PRR33: variants seen among roughly 807,000 people sequenced by gnomAD.
PRR33 encodes the protein proline rich 33.
In PRR33, 1 loss-of-function variant was observed where a neutral mutation model predicts 0.5. The observed-to-expected ratio is 2.18, with a 90% CI of 0.77 to 10.34. PRR33 has a LOEUF of 10.34. PRR33 is among the 30% of genes most tolerant of loss of function. PRR33 has a pLI of 0.13. For missense variants in PRR33, 552 were observed against 251.8 expected, an observed-to-expected ratio of 2.19 and a Z score of -8.07; for synonymous variants, 226 against 110.0, an observed-to-expected ratio of 2.06 and a Z score of -6.60.
the PRR33 span, among the ~76,000 whole-genome samples, chr11:1,899,998 T>A: frequency 6.6e-6 from 1 of 151,932 alleles, no homozygotes; most frequent in Non-Finnish European, 1.5e-5. Context: ...TAAACCATTT[T>A]AACAACTTAC....
upstream of PRR33, among the ~76,000 whole-genome samples, chr11:1,892,801 T>G (rs1849054780): frequency 6.6e-6 from 1 of 150,994 alleles, no homozygotes; most frequent in African/African-American, 2.4e-5. Context: ...GATGGATGGG[T>G]AGGTGGGTGG....
chr11:1,890,339 G>A (rs771070839), exon 1 of PRR33: 22 of 714,952 alleles, frequency 3.1e-5, no homozygotes, highest in African/African-American at 1.2e-4. Context: ...CCTCAGCAGC[G>A]TGCGGGGCTG....
the PRR33 span, among the ~76,000 whole-genome samples, chr11:1,897,302 G>A: frequency 1.3e-5 from 2 of 152,170 alleles, no homozygotes; most frequent in Non-Finnish European, 2.9e-5. This position sits in a 1 kb window ranked among gnomAD's most constrained non-coding sequence, Gnocchi z 4.0. Flanking sequence ...TGTCCCTGTC[G>A]CCATTGTAAA....
chr11:1,914,409 C>G, the PRR33 span, among the ~76,000 whole-genome samples: 1 of 150,210 alleles, frequency 6.7e-6, no homozygotes, highest in Non-Finnish European at 1.5e-5. Context: ...GGTCACACAC[C>G]TGGGATGATG....
exon 1 of PRR33, chr11:1,890,932 G>T: frequency 4.1e-6 from 1 of 241,232 alleles, no homozygotes; most frequent in Non-Finnish European, 8.1e-6. Flanking sequence ...AACACCGTGT[G>T]GGCTGGGGTG....
Position 1,890,511 on chromosome 11 carries a change from G to A in PRR33, c.74C>T (p.Pro25Leu), listed in dbSNP as rs1198438439. The A allele has an allele frequency of 9.8e-6, 7 of 716,610 alleles. 1 individual carries two copies. Among genetic ancestry groups the A allele is most frequent in the South Asian group, 4.4e-5 (3 of 67,600 alleles). 44.4% of individuals were successfully genotyped at this position (716,610 alleles called of 1,614,324 possible). Residue 25 changes from proline (P) to leucine (L), a missense_variant, in exon 1 of 1, where the codon CCG becomes CTG. Coordinates refer to ENST00000640310, the Ensembl canonical transcript of PRR33. ...CTTCCCTGGCTTGGGCAGCAGGGGC[G>A]GTGGGGGTCCAGGGGTTCCCTGGAG...
rs1478322862 is a variant in PRR33 at position 1,890,232 on chromosome 11, G to C, written c.353C>G (p.Pro118Arg). 4.2e-6 allele frequency: 3 copies of C among 716,606 alleles called. No individual in the cohort carries two copies. In the East Asian group the frequency reaches 8.1e-5, roughly 19 times the overall value. 44.4% of individuals were successfully genotyped at this position (716,606 alleles called of 1,614,324 possible). A position where few individuals can be genotyped will look rare whatever the true frequency, so the allele number is the denominator to read the frequency against. ...GGGTGATGCCACGTGGTGGATGATGGGGGTGTGCGGGGAGCGGGGTAGGGC... is the reference window on the plus strand; with the variant it reads ...GGGTGATGCCACGTGGTGGATGATGCGGGTGTGCGGGGAGCGGGGTAGGGC... Residue 118 changes from proline to arginine, a missense_variant, in exon 1 of 1, where the codon CCC becomes CGC. By Grantham distance (103) the Pro-to-Arg change is moderately radical. Coordinates refer to ENST00000640310, the Ensembl canonical transcript of PRR33.
the PRR33 span, among the ~76,000 whole-genome samples, chr11:1,907,629 G>T: frequency 1.3e-5 from 2 of 152,140 alleles, no homozygotes; most frequent in African/African-American, 2.4e-5. Flanking sequence ...GGCCAGGCAC[G>T]TCTCGAACTC....
At chr11:1,914,306 G>A in the PRR33 span, among the ~76,000 whole-genome samples, 3 of 148,038 alleles carry the variant, frequency 2.0e-5, no homozygotes, top group Non-Finnish European at 4.5e-5. Context: ...GTGGGGTCAT[G>A]CACCTGGGAT....
At chr11:1,894,224 A>AGAGTGTGTGT (rs141842016), upstream of PRR33, among the ~76,000 whole-genome samples, 9 of 127,630 alleles carry the variant, frequency 7.1e-5, no homozygotes, top group African/African-American at 2.9e-4. Flanking sequence ...GGAGTGTGGG[A>AGAGTGTGTGT]GTGTGTGTGT....
At chr11:1,902,355 G>A in the PRR33 span, among the ~76,000 whole-genome samples, 4 of 152,244 alleles carry the variant, frequency 2.6e-5, no homozygotes, top group Non-Finnish European at 5.9e-5. Context: ...AAGGAATAAG[G>A]CAAAGAAAGG....
At chr11:1,910,249 ATTGTGG>A in the PRR33 span, among the ~76,000 whole-genome samples, 1 of 151,714 alleles carries the variant, frequency 6.6e-6, no homozygotes, top group Non-Finnish European at 1.5e-5. Flanking sequence ...ACTGGGCGCC[ATTGTGG>A]TGTTTTTTTT....
At chr11:1,905,494 A>T in the PRR33 span, among the ~76,000 whole-genome samples, 1 of 137,058 alleles carries the variant, frequency 7.3e-6, no homozygotes, top group African/African-American at 2.8e-5. Flanking sequence ...GCTGGAGTAC[A>T]GTGGCGTGAT....
chr11:1,890,102 G>A (rs1309593097), exon 1 of PRR33: 2 of 716,614 alleles, frequency 2.8e-6, no homozygotes, highest in East Asian at 5.4e-5. Context: ...TGGGGGGCCG[G>A]GTAGGTTCTG....
At chr11:1,893,781 G>A (rs1849084266), upstream of PRR33, among the ~76,000 whole-genome samples, 1 of 150,798 alleles carries the variant, frequency 6.6e-6, no homozygotes, top group African/African-American at 2.5e-5. Context: ...GGATGGACAG[G>A]TGGATGGATG....
At chr11:1,896,069 T>C (rs1220002753), upstream of PRR33, among the ~76,000 whole-genome samples, 1 of 152,236 alleles carries the variant, frequency 6.6e-6, no homozygotes, top group African/African-American at 2.4e-5. Context: ...TTGGATCTAC[T>C]TGAATATTTT....
the PRR33 span, among the ~76,000 whole-genome samples, chr11:1,909,183 C>T: frequency 5.9e-5 from 9 of 151,672 alleles, no homozygotes; most frequent in African/African-American, 1.9e-4. Flanking sequence ...GCCTGGGCAA[C>T]ACAGTGAGTC....
chr11:1,900,445 T>G, the PRR33 span, among the ~76,000 whole-genome samples: 1 of 152,344 alleles, frequency 6.6e-6, no homozygotes, highest in South Asian at 2.1e-4. Flanking sequence ...CCGGGAATTT[T>G]TACCCAGTCC....
chr11:1,912,323 C>T, the PRR33 span, among the ~76,000 whole-genome samples: 1 of 152,002 alleles, frequency 6.6e-6, no homozygotes, highest in African/African-American at 2.4e-5. Flanking sequence ...ATTCGGAATG[C>T]AAGGTTCAAT....
Sources: gnomAD v4.1 joint callset for allele counts (sites outside exome capture counted in the v4.1 genomes callset) on GRCh38, gnomAD v4.1.1 for gene constraint, Gnocchi (gnomAD v3.1) non-coding constraint, MANE v1.5 for transcripts, NCBI Gene and HGNC (gene_info 2026-07-23, HGNC 2026-07-21) for gene names.